FAF1: variants seen among roughly 807,000 people sequenced by gnomAD.
FAF1 encodes the protein Fas associated factor 1.
In FAF1, 25 loss-of-function variants were observed where a neutral mutation model predicts 92.5. The ratio of observed to expected loss-of-function variants is 0.27; its 90% CI spans 0.20 to 0.38. The LOEUF is 0.38. Ranked by LOEUF, FAF1 falls within the 10% of genes least tolerant of loss-of-function variation. The pLI, the probability that FAF1 is intolerant of heterozygous loss-of-function variation, is 1.00. For synonymous variants in FAF1, 234 were observed against 273.2 expected, an observed-to-expected ratio of 0.86 and a Z score of 1.42; for missense variants, 636 against 793.3, an observed-to-expected ratio of 0.80 and a Z score of 2.38.
chr1:50,959,643 C>A, intron 1 of FAF1, 124 bp downstream of exon 1: 1 of 686,504 alleles, frequency 1.5e-6, no homozygotes, highest in Non-Finnish European at 2.5e-6. Context: ...ACACACGCCA[C>A]GCACCGTATA....
At chr1:50,922,429 A>G (rs1255490441) in intron 1 of FAF1, among the ~76,000 whole-genome samples, 1 of 124,472 alleles carries the variant, frequency 8.0e-6, no homozygotes, top group Non-Finnish European at 1.6e-5. Flanking sequence ...ATTGCACTCC[A>G]GCCTGGGTGA....
intron 13 of FAF1, among the ~76,000 whole-genome samples, chr1:50,547,186 C>A (rs913892516): frequency 3.3e-5 from 5 of 152,072 alleles, no homozygotes; most frequent in African/African-American, 1.2e-4. Context: ...AGCCACCACA[C>A]CCGGACCTCA....
rs144199775 is a variant in FAF1 at position 50,740,791 on chromosome 1, T to C, written c.460-1837A>G. ...ACTTTATGTCAAATATGTGATATCC[T>C]TTTGAAATTGATGAGTTATCTCTAT... On this transcript the variant is annotated intron_variant, in intron 5 of 18. Coordinates refer to ENST00000396153, the MANE Select transcript of FAF1 (RefSeq NM_007051.3). Among the ~76,000 whole-genome samples the C allele has an allele frequency of 8.4e-3, 1,286 of 152,272 alleles. 18 individuals are homozygous for C. Among genetic ancestry groups the C allele is most frequent in the African/African-American group, 0.029 (1,189 of 41,564 alleles).
At chr1:50,531,238 G>C in intron 15 of FAF1, among the ~76,000 whole-genome samples, 1 of 152,202 alleles carries the variant, frequency 6.6e-6, no homozygotes. Context: ...GATAATTACC[G>C]AGCTATTGTT....
intron 1 of FAF1, among the ~76,000 whole-genome samples, chr1:50,858,547 C>A (rs1270511945): frequency 6.6e-6 from 1 of 151,628 alleles, no homozygotes; most frequent in Non-Finnish European, 1.5e-5. Flanking sequence ...GAAATACACA[C>A]CAGGTAAGAC....
intron 7 of FAF1, among the ~76,000 whole-genome samples, chr1:50,688,909 T>C (rs1223530072): frequency 2.6e-5 from 4 of 152,156 alleles, no homozygotes; most frequent in African/African-American, 9.7e-5. Context: ...CTGAGTGAAA[T>C]AAGCCAAATA....
At chr1:50,463,026 C>T (rs1193520504) in intron 18 of FAF1, among the ~76,000 whole-genome samples, 2 of 152,164 alleles carry the variant, frequency 1.3e-5, no homozygotes, top group Admixed American at 6.5e-5. Context: ...TACCATTATT[C>T]CCAGAACTGA....
At chr1:50,524,469 T>C (rs1647686720) in intron 15 of FAF1, among the ~76,000 whole-genome samples, 1 of 152,230 alleles carries the variant, frequency 6.6e-6, no homozygotes, top group Non-Finnish European at 1.5e-5. Flanking sequence ...CATGCCTATG[T>C]CCTGAATGGT....
intron 8 of FAF1, among the ~76,000 whole-genome samples, chr1:50,618,414 G>GTTTTTTTTTTT (rs540421778): frequency 1.3e-3 from 146 of 111,894 alleles, no homozygotes; most frequent in Non-Finnish European, 2.3e-3. Context: ...AGTTTTTAGA[G>GTTTTTTTTTTT]TTTTTTTTTT....
intron 15 of FAF1, among the ~76,000 whole-genome samples, chr1:50,517,444 G>T (rs1234058423): frequency 1.3e-5 from 2 of 152,088 alleles, no homozygotes; most frequent in Non-Finnish European, 2.9e-5. Flanking sequence ...AAAAATAACA[G>T]CAATAATAGA....
intron 4 of FAF1, among the ~76,000 whole-genome samples, chr1:50,752,219 C>T (rs573472606): frequency 6.6e-6 from 1 of 152,182 alleles, no homozygotes; most frequent in Admixed American, 6.5e-5. Context: ...GAGCTGCCCA[C>T]CTTGGCCTCC....
intron 1 of FAF1, among the ~76,000 whole-genome samples, chr1:50,958,217 T>C (rs1645285171): frequency 6.6e-6 from 1 of 152,148 alleles, no homozygotes; most frequent in East Asian, 1.9e-4. Context: ...CTACAAAACA[T>C]CAAAATCTTA....
At chr1:50,485,822 G>T (rs911865824) in intron 17 of FAF1, among the ~76,000 whole-genome samples, 3 of 151,980 alleles carry the variant, frequency 2.0e-5, no homozygotes, top group Non-Finnish European at 4.4e-5. Flanking sequence ...GGTGGAAGGC[G>T]AAGGGGAAGC....
intron 8 of FAF1, among the ~76,000 whole-genome samples, chr1:50,611,525 G>A (rs560060424): frequency 2.6e-5 from 4 of 152,144 alleles, no homozygotes; most frequent in African/African-American, 7.2e-5. Context: ...TACTTTCTGC[G>A]GATAGCAGAT....
intron 14 of FAF1, among the ~76,000 whole-genome samples, chr1:50,537,216 A>G (rs1648530759): frequency 6.6e-6 from 1 of 152,198 alleles, no homozygotes; most frequent in Non-Finnish European, 1.5e-5. Context: ...ATCAGTGGGA[A>G]AATACTATAG....
chr1:50,518,031 T>C (rs1005484641), intron 15 of FAF1, among the ~76,000 whole-genome samples: 1 of 152,220 alleles, frequency 6.6e-6, no homozygotes, highest in Admixed American at 6.5e-5. Context: ...TTCTAACGTA[T>C]GTATAGATTC....
intron 13 of FAF1, among the ~76,000 whole-genome samples, chr1:50,555,125 A>C (rs985142414): frequency 1.3e-5 from 2 of 152,022 alleles, no homozygotes; most frequent in Admixed American, 6.6e-5. Flanking sequence ...CAGGAGGCTG[A>C]AGTGAGAGGA....
At chr1:50,821,890 TTTCTC>T (rs1644046609) in intron 2 of FAF1, among the ~76,000 whole-genome samples, 1 of 152,116 alleles carries the variant, frequency 6.6e-6, no homozygotes, top group Non-Finnish European at 1.5e-5. Context: ...AGACAACTTA[TTTCTC>T]AGATGTTTCC....
intron 2 of FAF1, among the ~76,000 whole-genome samples, chr1:50,853,194 C>G (rs1644364732): frequency 6.6e-6 from 1 of 152,104 alleles, no homozygotes; most frequent in African/African-American, 2.4e-5. Context: ...ACAGCCACAT[C>G]CTGAGCAGAG....
Sources: allele counts gnomAD v4.1 joint callset (sites outside exome capture counted in the v4.1 genomes callset), GRCh38; gene constraint gnomAD v4.1.1; transcripts MANE v1.5; gene names NCBI Gene and HGNC (gene_info 2026-07-23, HGNC 2026-07-21).